The following STX16 variants were observed in gnomAD, a reference collection of about 807,000 sequenced individuals.
The protein encoded by STX16 is syntaxin-16.
In STX16, 28 loss-of-function variants were observed where a neutral mutation model predicts 42.7. The observed-to-expected ratio is 0.66, with a 90% CI of 0.49 to 0.90. The LOEUF (loss-of-function observed/expected upper bound fraction) is 0.90, where lower values mean the gene tolerates loss of function less well. Among genes scored for constraint, STX16 ranks in the 40% least tolerant of loss-of-function variants. The pLI is 0.00. For synonymous variants in STX16, 156 were observed against 155.2 expected (o/e 1.00, Z -0.04); for missense variants, 361 against 420.9 (o/e 0.86, Z 1.24).
intron 4 of STX16, 26 bp downstream of exon 4, chr20:58,668,153 G>A: frequency 6.2e-7 from 1 of 1,613,030 alleles, no homozygotes; most frequent in South Asian, 1.1e-5. Context: ...GAGTCCTGGG[G>A]AAACCAGCGA....
At chr20:58,668,640 G>T (rs373593248) in intron 4 of STX16, among the ~76,000 whole-genome samples, 1 of 151,682 alleles carries the variant, frequency 6.6e-6, no homozygotes, top group South Asian at 2.1e-4. Flanking sequence ...GCCCTGGGGG[G>T]TTGGAATGTT....
chr20:58,671,826 A>G (rs978577799), intron 7 of STX16, among the ~76,000 whole-genome samples: 1 of 152,274 alleles, frequency 6.6e-6, no homozygotes, highest in Non-Finnish European at 1.5e-5. Context: ...CTGAAATCCA[A>G]AATGCTCCAA....
In STX16 at chr20:58,679,209, C is replaced by G. The variant is rs1219750125; in HGVS notation, c.*2918C>G. 6.6e-6 allele frequency: 1 copy of G among 152,388 alleles called. No homozygotes were observed. Among genetic ancestry groups the G allele is most frequent in the African/African-American group, 2.4e-5 (1 of 41,406 alleles). The allele number at this position is 152,388 out of a possible 1,614,324, so 9.4% of individuals were successfully genotyped here. ...GCCATGCTTGTGAAGTGATGTGTGTCTCTGATTTAACGGATTCACTGTTTT... is the reference window on the plus strand; with the variant it reads ...GCCATGCTTGTGAAGTGATGTGTGTGTCTGATTTAACGGATTCACTGTTTT... On this transcript the variant is annotated 3_prime_UTR_variant, in exon 9 of 9. Transcript: ENST00000371141.
chr20:58,670,394 G>A, intron 5 of STX16, 118 bp from the exon 6 acceptor site: 1 of 758,286 alleles, frequency 1.3e-6, no homozygotes. Context: ...CTTTAAAGCG[G>A]CTAAGAATAT....
At chr20:58,652,551 C>G (rs374224034) in intron 1 of STX16, among the ~76,000 whole-genome samples, 1 of 152,136 alleles carries the variant, frequency 6.6e-6, no homozygotes, top group African/African-American at 2.4e-5. Flanking sequence ...GGCTGGGTCG[C>G]CGGATCGTAG....
intron 7 of STX16, among the ~76,000 whole-genome samples, chr20:58,671,606 A>G (rs1220762605): frequency 6.6e-6 from 1 of 151,578 alleles, no homozygotes; most frequent in Non-Finnish European, 1.5e-5. Flanking sequence ...GCTTTGAGAA[A>G]AGCCCTGGGG....
At chr20:58,667,768 T>G (rs1420692423) in intron 3 of STX16, among the ~76,000 whole-genome samples, 171 bp downstream of exon 3, 1 of 152,234 alleles carries the variant, frequency 6.6e-6, no homozygotes, top group African/African-American at 2.4e-5. Flanking sequence ...TTAGCTGTAG[T>G]TTTAACATTG....
At position 58,678,145 on chromosome 20, in the gene STX16, A is replaced by G. The variant is rs2084179964; in HGVS notation, c.*1854A>G. On this transcript the variant is annotated 3_prime_UTR_variant, in exon 9 of 9. Coordinates refer to ENST00000371141, the MANE Select transcript of STX16 (RefSeq NM_001001433.3). ...TGCTCTTAGGTGTGGGGCTGTCCAC[A>G]TTAGGGAACTTGCCTCAAAAACAGT... 1 of 152,226 alleles carries G rather than the reference A, an allele frequency of 6.6e-6. No individual in the cohort carries two copies. 9.4% of individuals were successfully genotyped at this position (152,226 alleles called of 1,614,324 possible).
Position 58,678,677 on chromosome 20 carries a change from C to T in STX16, c.*2386C>T, listed in dbSNP as rs2084199373. 2 of 151,494 alleles carry T rather than the reference C, an allele frequency of 1.3e-5. No individual in the cohort carries two copies. The highest frequency in any genetic ancestry group is 1.3e-4 in the Admixed American group (2 of 15,216). 9.4% of individuals were successfully genotyped at this position (151,494 alleles called of 1,614,324 possible). A position where few individuals can be genotyped will look rare whatever the true frequency, so the allele number is the denominator to read the frequency against. Reference sequence around the variant, plus strand: ...AAAAAATTGTTTTAGCGCTGGGTTTCCCAAGGTGGGAGAGACAGACCCAGC... The same window carrying T: ...AAAAAATTGTTTTAGCGCTGGGTTTTCCAAGGTGGGAGAGACAGACCCAGC... On this transcript the variant is annotated 3_prime_UTR_variant, in exon 9 of 9. Transcript: ENST00000371141.
chr20:58,658,469 G>T (rs2083627815), intron 1 of STX16, among the ~76,000 whole-genome samples: 1 of 152,088 alleles, frequency 6.6e-6, no homozygotes, highest in Non-Finnish European at 1.5e-5. Flanking sequence ...AAGAGGATTT[G>T]CAGCTTTTCA....
intron 2 of STX16, among the ~76,000 whole-genome samples, chr20:58,666,864 G>A (rs1056037242): frequency 1.3e-5 from 2 of 152,242 alleles, no homozygotes; most frequent in Non-Finnish European, 2.9e-5. Flanking sequence ...AAATGACAGT[G>A]TAAGATTGCA....
chr20:58,663,067 C>T (rs531294926), intron 2 of STX16, among the ~76,000 whole-genome samples: 27 of 152,272 alleles, frequency 1.8e-4, no homozygotes, highest in Admixed American at 1.5e-3. Context: ...TGTGAGTTGC[C>T]AGTCTGTTGA....
chr20:58,674,506 ACT>A (rs1345889890), intron 8 of STX16, among the ~76,000 whole-genome samples: 1 of 152,178 alleles, frequency 6.6e-6, no homozygotes, highest in Non-Finnish European at 1.5e-5. Flanking sequence ...TTGCCAATTC[ACT>A]GTTGGACTAC....
intron 7 of STX16, among the ~76,000 whole-genome samples, 166 bp downstream of exon 7, chr20:58,671,463 TGTGTGTGTGTATATTA>T (rs2083973996): frequency 8.0e-6 from 1 of 125,406 alleles, no homozygotes; most frequent in African/African-American, 3.0e-5. Flanking sequence ...TGTGTGTGTG[TGTGTGTGTGTATATTA>T]ATATTAATCA....
At chr20:58,674,042 C>G (rs932696568) in intron 8 of STX16, among the ~76,000 whole-genome samples, 1 of 152,158 alleles carries the variant, frequency 6.6e-6, no homozygotes. Flanking sequence ...TTTAGGAAAT[C>G]AATTGGGCAT....
chr20:58,675,488 C>G (rs2084089784), intron 8 of STX16, among the ~76,000 whole-genome samples: 1 of 152,192 alleles, frequency 6.6e-6, no homozygotes, highest in Non-Finnish European at 1.5e-5. Context: ...TGATGGAGTT[C>G]CCGCTCCTGC....
In STX16 at chr20:58,651,812, CTAGG is replaced by C. The variant is rs1450932391; in HGVS notation, c.-191_-188del. On this transcript the variant is annotated 5_prime_UTR_variant, in exon 1 of 9. Coordinates refer to ENST00000371141, the MANE Select transcript of STX16 (RefSeq NM_001001433.3). ...AGGGGGAGTCAGACAATTGGAAAGC[CTAGG>C]TAGTTATTTGGGGAGGGGTCTCTAC... The C allele has an allele frequency of 1.7e-6, 1 of 584,168 alleles. No individual in the cohort carries two copies. 36.2% of individuals were successfully genotyped at this position (584,168 alleles called of 1,614,324 possible).
In STX16 at chr20:58,679,465, T is replaced by C. The variant is rs1026936628; in HGVS notation, c.*3174T>C. 3 of 136,862 alleles carry C rather than the reference T, an allele frequency of 2.2e-5. No individual in the cohort carries two copies. Among genetic ancestry groups the C allele is most frequent in the Non-Finnish European group, 3.4e-5 (2 of 58,556 alleles). 8.5% of individuals were successfully genotyped at this position (136,862 alleles called of 1,614,324 possible). A position where few individuals can be genotyped will look rare whatever the true frequency, so the allele number is the denominator to read the frequency against. On this transcript the variant is annotated 3_prime_UTR_variant, in exon 9 of 9. Transcript: ENST00000371141. ...ACCAATTTACTGTTACTGGAAACTT[T>C]TTGTACAATAAAGCAATCACGCAGA...
rs111486683 is a variant in STX16 at position 58,675,983 on chromosome 20, T to C, written c.874-204T>C. On this transcript the variant is annotated intron_variant, in intron 8 of 8. Coordinates refer to ENST00000371141, the MANE Select transcript of STX16 (RefSeq NM_001001433.3). The stretch of plus-strand genomic sequence containing the variant: ...AATCCATTTCCACGTCCAGGGTAAA[T>C]AAGCAGCACCAGGATCATGGGGCTC... Among the ~76,000 whole-genome samples the C allele has an allele frequency of 1.2e-4, 18 of 152,260 alleles. 2 individuals carry two copies. Among genetic ancestry groups the C allele is most frequent in the African/African-American group, 4.1e-4 (17 of 41,560 alleles).
Sources: gnomAD v4.1 joint callset for allele counts (sites outside exome capture counted in the v4.1 genomes callset) on GRCh38, gnomAD v4.1.1 for gene constraint, MANE v1.5 for transcripts, NCBI Gene and HGNC (gene_info 2026-07-23, HGNC 2026-07-21) for gene names.